The following PCDHA3 variants were observed in gnomAD, a reference collection of about 807,000 sequenced individuals.
PCDHA3 encodes the protein protocadherin alpha-3.
In PCDHA3, 41 loss-of-function variants were observed where a neutral mutation model predicts 62.2. The ratio of observed to expected loss-of-function variants is 0.66; its 90% confidence interval spans 0.51 to 0.86. The LOEUF is 0.86. Ranked by LOEUF, PCDHA3 falls within the 40% of genes least tolerant of loss-of-function variation. The pLI is 0.00. For synonymous variants in PCDHA3, 640 were observed against 555.4 expected (o/e 1.15, Z -2.14); for missense variants, 1,304 against 1,241.2 (o/e 1.05, Z -0.76).
chr5:140,890,419 A>G (rs1168983784), intron 1 of PCDHA3, among the ~76,000 whole-genome samples: 4 of 152,212 alleles, frequency 2.6e-5, no homozygotes, highest in Non-Finnish European at 5.9e-5. Context: ...ATATTTATTT[A>G]GTTTATATTT....
intron 1 of PCDHA3, chr5:140,858,078 C>T (rs782110139): frequency 6.3e-7 from 1 of 1,597,798 alleles, no homozygotes; most frequent in South Asian, 1.1e-5. Context: ...GCACCCAAGG[C>T]CTCGTCGCGG....
intron 1 of PCDHA3, among the ~76,000 whole-genome samples, chr5:140,960,268 C>T (rs909300103): frequency 3.3e-5 from 5 of 152,222 alleles, no homozygotes; most frequent in African/African-American, 7.2e-5. Context: ...TGATAAATTC[C>T]GTCACCTTTT....
chr5:140,931,215 CAG>C (rs2087377353), intron 1 of PCDHA3, among the ~76,000 whole-genome samples: 1 of 152,106 alleles, frequency 6.6e-6, no homozygotes, highest in East Asian at 1.9e-4. Flanking sequence ...TTTCAGGTAT[CAG>C]AGCACTTAAT....
rs2084561103 is a variant in PCDHA3 at position 140,927,726 on chromosome 5, A to G, written c.2395-51223A>G. On this transcript the variant is annotated intron_variant, in intron 1 of 3. Transcript: ENST00000522353. ...ACTCCCTAAGCAACAGCACGCAAGCAGAGCTGCGACACCGCTTTCACGTGC... is the reference window on the plus strand; with the variant it reads ...ACTCCCTAAGCAACAGCACGCAAGCGGAGCTGCGACACCGCTTTCACGTGC... 6 of 1,614,220 alleles carry G rather than the reference A, an allele frequency of 3.7e-6. No individual in the cohort carries two copies. The African/African-American group carries it at 8.0e-5, about 22-fold the overall frequency.
At chr5:140,883,296 TA>T (rs1389927639) in intron 1 of PCDHA3, 1 of 1,613,994 alleles carries the variant, frequency 6.2e-7, no homozygotes, top group African/African-American at 1.3e-5. Flanking sequence ...GTACTAGATG[TA>T]AATGATAACG....
chr5:140,869,873 A>C, intron 1 of PCDHA3: 8 of 1,610,644 alleles, frequency 5.0e-6, no homozygotes, highest in Non-Finnish European at 6.8e-6. Flanking sequence ...AATGCTGCTA[A>C]AGAAACTCTT....
rs1040454233 is a variant in PCDHA3 at position 140,868,818 on chromosome 5, T to C, written c.2394+65227T>C. On this transcript the variant is annotated intron_variant, in intron 1 of 3. Transcript: ENST00000522353. ...CATAAATAAGCACGTTGGAAATATT[T>C]GGGGGAAGAAACCCAAAACACGTGA... 30 of 385,940 alleles carry C rather than the reference T, an allele frequency of 7.8e-5. No individual in the cohort carries two copies. The East Asian group carries it at 1.3e-3, about 16-fold the overall frequency. 23.9% of individuals were successfully genotyped at this position (385,940 alleles called of 1,614,324 possible).
At position 140,809,171 on chromosome 5, in the gene PCDHA3, A is replaced by G. The variant is rs1554125055; in HGVS notation, c.2394+5580A>G. The G allele has an allele frequency of 5.0e-6, 8 of 1,613,860 alleles. No individual in the cohort carries two copies. The South Asian group carries it at 5.5e-5, about 11-fold the overall frequency. ...CCACGGCGAGCCCGCGCTGACGGCC[A>G]CGGCCACTGTGCTGGTGTCACTTGT... On this transcript the variant is annotated intron_variant, in intron 1 of 3. Coordinates refer to ENST00000522353, the MANE Select transcript of PCDHA3 (RefSeq NM_018906.3).
At chr5:140,843,632 G>T (rs2150363931) in intron 1 of PCDHA3, 1 of 1,595,968 alleles carries the variant, frequency 6.3e-7, no homozygotes, top group South Asian at 1.1e-5. Flanking sequence ...GGACCTCATG[G>T]CCTTCAGCCC....
chr5:140,949,263 C>T (rs1210516513), intron 1 of PCDHA3, among the ~76,000 whole-genome samples: 3 of 151,832 alleles, frequency 2.0e-5, no homozygotes, highest in South Asian at 4.1e-4. Flanking sequence ...GAACATATCA[C>T]GTGCACTTGA....
At chr5:140,843,096 C>G (rs2150352451) in intron 1 of PCDHA3, 2 of 1,595,598 alleles carry the variant, frequency 1.3e-6, no homozygotes, top group Non-Finnish European at 8.6e-7. Flanking sequence ...CACGTGGTAG[C>G]GAAGGTGCGC....
intron 1 of PCDHA3, chr5:140,805,004 T>C (rs890483200): frequency 6.5e-7 from 1 of 1,539,454 alleles, no homozygotes; most frequent in Non-Finnish European, 8.7e-7. Context: ...AAAAATTTAG[T>C]TCTGTTATCA....
At chr5:140,821,882 A>T (rs1302736713) in intron 1 of PCDHA3, 2 of 1,614,102 alleles carry the variant, frequency 1.2e-6, no homozygotes, top group Admixed American at 1.7e-5. Flanking sequence ...TCGATCCCGG[A>T]GGAAGCCAAA....
chr5:141,002,095 C>G (rs1341792848), intron 3 of PCDHA3, among the ~76,000 whole-genome samples: 1 of 152,234 alleles, frequency 6.6e-6, no homozygotes, highest in Non-Finnish European at 1.5e-5. Flanking sequence ...AGTCCAGGGG[C>G]TGGGCCGGAA....
chr5:140,946,377 T>C (rs1554217528), intron 1 of PCDHA3, among the ~76,000 whole-genome samples: 1 of 151,764 alleles, frequency 6.6e-6, no homozygotes, highest in African/African-American at 2.4e-5. Flanking sequence ...TTGCACACGG[T>C]TGGTAGGAAT....
At chr5:140,926,554 G>A (rs2083344574) in intron 1 of PCDHA3, 1 of 237,224 alleles carries the variant, frequency 4.2e-6, no homozygotes, top group Non-Finnish European at 8.0e-6. Context: ...CGAGACCCCA[G>A]CCCGCTGCTA....
intron 1 of PCDHA3, chr5:140,850,431 C>G: frequency 6.3e-7 from 1 of 1,597,912 alleles, no homozygotes; most frequent in Non-Finnish European, 8.6e-7. Flanking sequence ...ACCGCGCCAG[C>G]GCCTACTGGT....
At chr5:140,870,001 G>A (rs782788057) in intron 1 of PCDHA3, 1 of 1,613,566 alleles carries the variant, frequency 6.2e-7, no homozygotes, top group Non-Finnish European at 8.5e-7. Flanking sequence ...AAATAATGGA[G>A]AAGTGAGGGT....
chr5:140,863,403 C>A (rs1554158174), intron 1 of PCDHA3: 1 of 835,368 alleles, frequency 1.2e-6, no homozygotes, highest in South Asian at 1.3e-5. Flanking sequence ...CGGGCAAGCC[C>A]ACGCTGGTGT....
Sources: gnomAD v4.1 joint callset for allele counts (sites outside exome capture counted in the v4.1 genomes callset) on GRCh38, gnomAD v4.1.1 for gene constraint, MANE v1.5 for transcripts, NCBI Gene and HGNC (gene_info 2026-07-23, HGNC 2026-07-21) for gene names.